Variants in GRIN1 observed in about 807,000 individuals in gnomAD.
GRIN1 encodes glutamate ionotropic receptor NMDA type subunit 1, also known as glutamate receptor ionotropic, NMDA 1.
A neutral mutation model predicts 103.0 loss-of-function variants in GRIN1; 38 were observed. The ratio of observed to expected loss-of-function variants is 0.37; its 90% confidence interval spans 0.28 to 0.48. The LOEUF is 0.48. Ranked by LOEUF, GRIN1 falls within the 20% of genes least tolerant of loss-of-function variation. The probability of loss-of-function intolerance (pLI) is 0.98; values close to 1 mark genes in which losing one functional copy is unlikely to be tolerated. For missense variants in GRIN1, 577 were observed against 1,288.9 expected (o/e 0.45, Z 8.46); for synonymous variants, 544 against 532.7 (o/e 1.02, Z -0.29).
At position 137,165,066 on chromosome 9, in the gene GRIN1, G is replaced by A. The variant is rs191118121; in HGVS notation, c.2590-120G>A. On this transcript the variant is annotated intron_variant, in intron 18 of 19. Transcript: ENST00000371561. ...CGGCCCGTCTGTCCAGCACAGGGAG[G>A]CAGGCAGGAGCGAGGGCCCAAGTGG... The A allele has an allele frequency of 7.7e-4, 606 of 791,916 alleles. 2 individuals carry two copies. The highest frequency in any genetic ancestry group is 5.1e-3 in the South Asian group (377 of 73,788). 49.1% of individuals were successfully genotyped at this position (791,916 alleles called of 1,614,324 possible). A position where few individuals can be genotyped will look rare whatever the true frequency, so the allele number is the denominator to read the frequency against.
Position 137,146,388 on chromosome 9 carries a change from T to A in GRIN1, c.570+486T>A, listed in dbSNP as rs1300214986. Among the ~76,000 whole-genome samples the A allele has an allele frequency of 6.6e-6, 1 of 150,396 alleles. No homozygotes were observed. The highest frequency in any genetic ancestry group is 1.5e-5 in the Non-Finnish European group (1 of 67,764). On this transcript the variant is annotated intron_variant, in intron 3 of 19. Coordinates refer to ENST00000371561, the MANE Select transcript of GRIN1 (RefSeq NM_007327.4). This position sits in a 1 kb window ranked among gnomAD's most constrained non-coding sequence, Gnocchi z 6.7. ...TCCCCCGCGTGGCCTCCCCTGAAGC[T>A]CTGCACCTCATGGCTCAGCAAAGCC...
chr9:137,161,787 G>T, intron 10 of GRIN1, 137 bp from the exon 11 acceptor site: 1 of 879,972 alleles, frequency 1.1e-6, no homozygotes, highest in South Asian at 1.5e-5. Flanking sequence ...GGGCTGGAGT[G>T]GGGTGGGGCC....
chr9:137,148,934 C>G, intron 3 of GRIN1, 75 bp from the exon 4 acceptor site: 3 of 1,106,048 alleles, frequency 2.7e-6, no homozygotes, highest in Non-Finnish European at 4.1e-6. Flanking sequence ...CCCAGCGGCT[C>G]CGGCCCAACT....
At position 137,139,755 on chromosome 9, in the gene GRIN1, C is replaced by A; in HGVS notation, c.258+11C>A. ...CTCATCTCCAGCCAGGTGCCCTCCCCCACCTCCGCCACCCACCTCCCCTCT... is the reference window on the plus strand; with the variant it reads ...CTCATCTCCAGCCAGGTGCCCTCCCACACCTCCGCCACCCACCTCCCCTCT... On this transcript the variant is annotated intron_variant, in intron 1 of 19. Coordinates refer to ENST00000371561, the MANE Select transcript of GRIN1 (RefSeq NM_007327.4). The surrounding 1 kb of genome is among the most constrained non-coding windows in gnomAD (Gnocchi z 7.7). The A allele has an allele frequency of 6.2e-7, 1 of 1,606,134 alleles. No homozygotes were observed. The highest frequency in any genetic ancestry group is 8.5e-7 in the Non-Finnish European group (1 of 1,173,168).
chr9:137,161,105 G>A lies in GRIN1; in HGVS notation c.1247G>A (p.Ser416Asn), dbSNP rs1833513036. ...EPFVYVKPTL[S>N]DGTCKEEFTV... The stretch of plus-strand genomic sequence containing the variant: ...TTCGTGTACGTCAAGCCCACGCTGA[G>A]TGATGGGACATGCAAGGAGGAGTTC... Residue 416 changes from serine to asparagine, a missense_variant, in exon 9 of 20, where the codon AGT (serine) becomes AAT (asparagine). Transcript: ENST00000371561. 7.4e-6 allele frequency: 12 copies of A among 1,612,892 alleles called. No individual in the cohort carries two copies. Among genetic ancestry groups the A allele is most frequent in the Non-Finnish European group, 1.0e-5 (12 of 1,179,946 alleles).
chr9:137,168,376 C>G lies in GRIN1; in HGVS notation c.*849C>G. The G allele has an allele frequency of 5.4e-6, 1 of 184,130 alleles. No homozygotes were observed. The highest frequency in any genetic ancestry group is 1.2e-4 in the South Asian group (1 of 8,048). 11.4% of individuals were successfully genotyped at this position (184,130 alleles called of 1,614,324 possible). A position where few individuals can be genotyped will look rare whatever the true frequency, so the allele number is the denominator to read the frequency against. ...CCTCCCCCACGGCCGTCCCTGACTT[C>G]CCAGCTGGCAGCGCCTCCCGCCGCC... On this transcript the variant is annotated 3_prime_UTR_variant, in exon 20 of 20. Transcript: ENST00000371561.
rs200342470 is a variant in GRIN1 at position 137,162,022 on chromosome 9, G to A, written c.1566G>A (p.Glu522=). The change falls in exon 11 of 20, where the codon GAG becomes GAA. Residue 522 remains glutamate, a synonymous_variant. Transcript: ENST00000371561. The part of the protein sequence containing the change: ...MIVAPLTINN[E]RAQYIEFSKP... ...TGGCGCCGCTAACCATAAACAACGAGCGCGCGCAGTACATCGAGTTTTCCA... is the reference window on the plus strand; with the variant it reads ...TGGCGCCGCTAACCATAAACAACGAACGCGCGCAGTACATCGAGTTTTCCA... 1.0e-5 allele frequency: 16 copies of A among 1,555,942 alleles called. No homozygotes were observed. The highest frequency in any genetic ancestry group is 1.4e-5 in the Non-Finnish European group (16 of 1,149,820).
intron 3 of GRIN1, among the ~76,000 whole-genome samples, chr9:137,147,447 T>TGCACACGCACACAC (rs972718686): frequency 6.6e-6 from 1 of 150,920 alleles, no homozygotes; most frequent in African/African-American, 2.4e-5. Flanking sequence ...CATGCACACA[T>TGCACACGCACACAC]GCACACGCAC....
intron 4 of GRIN1, 69 bp downstream of exon 4, chr9:137,149,178 C>A: frequency 9.3e-7 from 1 of 1,076,684 alleles, no homozygotes; most frequent in Non-Finnish European, 1.4e-6. Flanking sequence ...GCCATCTGAG[C>A]CAGAGCTGGG....
At position 137,167,530 on chromosome 9, in the gene GRIN1, C is replaced by T; in HGVS notation, c.*3C>T. On this transcript the variant is annotated 3_prime_UTR_variant, in exon 20 of 20. Coordinates refer to ENST00000371561, the MANE Select transcript of GRIN1 (RefSeq NM_007327.4). Reference sequence around the variant, plus strand: ...GTTCCCGTCATAGGGAGAGCTGAGACTCCCCGCCCGCCCTCCTCTGCCCCC... The same window carrying T: ...GTTCCCGTCATAGGGAGAGCTGAGATTCCCCGCCCGCCCTCCTCTGCCCCC... 6.5e-7 allele frequency: 1 copy of T among 1,547,162 alleles called. No individual in the cohort carries two copies. The highest frequency in any genetic ancestry group is 8.7e-7 in the Non-Finnish European group (1 of 1,143,090).
At position 137,156,694 on chromosome 9, in the gene GRIN1, C is replaced by T; in HGVS notation, c.697C>T (p.Arg233Cys). 1.3e-6 allele frequency: 2 copies of T among 1,597,038 alleles called. No individual in the cohort carries two copies. Among genetic ancestry groups the T allele is most frequent in the Non-Finnish European group, 8.5e-7 (1 of 1,172,954 alleles). ...CGAGGACGATGCTGCCACTGTATAC[C>T]GCGCAGCCGCGATGCTGAACATGAC... The part of the protein sequence containing the change: ...ASEDDAATVY[R>C]AAAMLNMTGS... The change falls in exon 5 of 20, where the codon CGC becomes TGC. Residue 233 changes from arginine (R) to cysteine (C), a missense_variant. By Grantham distance (180) the Arg-to-Cys change is radical. Transcript: ENST00000371561.
chr9:137,164,057 G>A, intron 18 of GRIN1, 153 bp downstream of exon 18: 2 of 934,210 alleles, frequency 2.1e-6, no homozygotes, highest in Non-Finnish European at 3.4e-6. Context: ...TGCTCCCAGG[G>A]CACGGGGGCA....
intron 6 of GRIN1, among the ~76,000 whole-genome samples, chr9:137,157,249 G>A (rs1455218493): frequency 1.3e-5 from 2 of 151,982 alleles, no homozygotes; most frequent in East Asian, 1.9e-4. Flanking sequence ...GGAGGTGGGC[G>A]GGGTCGCTTC....
chr9:137,151,624 G>C (rs919922283), intron 4 of GRIN1, among the ~76,000 whole-genome samples: 1 of 152,078 alleles, frequency 6.6e-6, no homozygotes, highest in African/African-American at 2.4e-5. Context: ...CCCAGAAAAA[G>C]CCCCTCTTAG....
rs566536299 is a variant in GRIN1, at chr9:137,146,218, G to T, written c.570+316G>T. Among the ~76,000 whole-genome samples, 3 of 152,068 alleles carry T rather than the reference G, an allele frequency of 2.0e-5. No individual in the cohort carries two copies. In the East Asian group the frequency reaches 5.8e-4, roughly 30 times the overall value. ...TGCCCCTCGCTCCCTGGAGGCCCCA[G>T]CCGGGCTTGGGACTCGTCACCCTTC... On this transcript the variant is annotated intron_variant, in intron 3 of 19. Coordinates refer to ENST00000371561, the MANE Select transcript of GRIN1 (RefSeq NM_007327.4). The surrounding 1 kb of genome is among the most constrained non-coding windows in gnomAD (Gnocchi z 6.7).
Position 137,157,076 on chromosome 9 carries a change from T to TG in GRIN1, c.968+43dup, listed in dbSNP as rs574236997. Reference sequence around the variant, plus strand: ...CCCCGGAGCTGGGCGGGGCTGCTCTTGGGGAGGTGGGCGGGGTCACTCCAG... The same window carrying TG: ...CCCCGGAGCTGGGCGGGGCTGCTCTTGGGGGAGGTGGGCGGGGTCACTCCAG... On this transcript the variant is annotated intron_variant, in intron 6 of 19. Transcript: ENST00000371561. 327 of 658,956 alleles carry TG rather than the reference T, an allele frequency of 5.0e-4. 1 individual carries two copies. The African/African-American group carries it at 0.015, about 31-fold the overall frequency. The allele number at this position is 658,956 out of a possible 1,614,324, so 40.8% of individuals were successfully genotyped here.
chr9:137,168,396 G>C lies in GRIN1; in HGVS notation c.*869G>C. The C allele has an allele frequency of 5.3e-6, 1 of 190,244 alleles. No individual in the cohort carries two copies. The highest frequency in any genetic ancestry group is 1.1e-5 in the Non-Finnish European group (1 of 94,658). 11.8% of individuals were successfully genotyped at this position (190,244 alleles called of 1,614,324 possible). On this transcript the variant is annotated 3_prime_UTR_variant, in exon 20 of 20. Coordinates refer to ENST00000371561, the MANE Select transcript of GRIN1 (RefSeq NM_007327.4). ...GACTTCCCAGCTGGCAGCGCCTCCC[G>C]CCGCCTCGGGCCGCCTCCTCCAGAC...
At chr9:137,144,456 CA>C (rs1449528135) in intron 2 of GRIN1, among the ~76,000 whole-genome samples, 2 of 151,794 alleles carry the variant, frequency 1.3e-5, no homozygotes, top group African/African-American at 2.4e-5. Flanking sequence ...AGATCGAGAC[CA>C]TCCTGGCTAA....
intron 4 of GRIN1, among the ~76,000 whole-genome samples, chr9:137,150,228 T>C (rs1832760910): frequency 6.6e-6 from 1 of 152,140 alleles, no homozygotes; most frequent in Non-Finnish European, 1.5e-5. Context: ...TGGCCTGGGC[T>C]CCAGGAAAAA....
Sources: allele counts gnomAD v4.1 joint callset (sites outside exome capture counted in the v4.1 genomes callset), GRCh38; gene constraint gnomAD v4.1.1; non-coding constraint Gnocchi (gnomAD v3.1); transcripts MANE v1.5; gene names NCBI Gene and HGNC (gene_info 2026-07-23, HGNC 2026-07-21).